The following TRMT11 variants were observed in gnomAD, a reference collection of about 807,000 sequenced individuals.
TRMT11 encodes the protein tRNA methyltransferase 11, also known as tRNA (guanine(10)-N(2))-methyltransferase TRMT11.
A neutral mutation model predicts 62.8 loss-of-function variants in TRMT11; 53 were observed. The ratio of observed to expected loss-of-function variants is 0.84; its 90% CI spans 0.68 to 1.06. TRMT11 has a LOEUF of 1.06. Among genes scored for constraint, TRMT11 ranks in the 50% least tolerant of loss-of-function variants. The pLI is 0.00. For synonymous variants in TRMT11, 188 were observed against 190.3 expected (o/e 0.99, Z 0.10); for missense variants, 556 against 553.4 (o/e 1.00, Z -0.05).
intron 17 of TRMT11, among the ~76,000 whole-genome samples, chr6:126,075,824 A>G (rs1040421549): frequency 1.3e-5 from 2 of 152,168 alleles, no homozygotes; most frequent in Non-Finnish European, 2.9e-5. Context: ...CATCTGGACC[A>G]TAGATTCTCC....
chr6:126,179,077 G>C (rs1298408925), intron 1 of TRMT11, among the ~76,000 whole-genome samples: 1 of 151,968 alleles, frequency 6.6e-6, no homozygotes, highest in African/African-American at 2.4e-5. Context: ...AAAGTTATCA[G>C]CTCCCCCACC....
At chr6:126,063,764 A>C (rs1337998408) in intron 17 of TRMT11, among the ~76,000 whole-genome samples, 1 of 152,150 alleles carries the variant, frequency 6.6e-6, no homozygotes, top group Admixed American at 6.5e-5. Flanking sequence ...TTTGTAAATC[A>C]CTCTGAGCCA....
chr6:126,087,477 T>C (rs2128163405), intron 17 of TRMT11, among the ~76,000 whole-genome samples: 1 of 152,362 alleles, frequency 6.6e-6, no homozygotes, highest in Admixed American at 6.5e-5. Context: ...AGAAGCCCAC[T>C]TGAACAATGA....
At chr6:126,214,901 C>T in the TRMT11 span, among the ~76,000 whole-genome samples, 1 of 151,692 alleles carries the variant, frequency 6.6e-6, no homozygotes, top group African/African-American at 2.4e-5. Context: ...CTGCTTTTGC[C>T]GTATCCTAGG....
chr6:126,118,152 A>G (rs1254248387), intron 21 of TRMT11, among the ~76,000 whole-genome samples: 1 of 152,066 alleles, frequency 6.6e-6, no homozygotes, highest in South Asian at 2.1e-4. Context: ...TAAAAATAGA[A>G]CCCTGAGATG....
In TRMT11 at chr6:126,151,750, TTTCC is replaced by T. The variant is rs369261602; in HGVS notation, c.*1824-23062_*1824-23059del. On this transcript the variant is annotated intron_variant and NMD_transcript_variant, in intron 21 of 22. Transcript: ENST00000648977. ...TCCCTCCCTTCCATCCTTCCTTCCC[TTTCC>T]TTCCTTCCTTCCCTTCCTTTCACCC... Among the ~76,000 whole-genome samples the T allele has an allele frequency of 1.7e-3, 220 of 132,144 alleles. 6 individuals carry two copies. In the East Asian group the frequency reaches 0.038, roughly 23 times the overall value. The allele number at this position is 132,144 out of a possible 152,430, so 86.7% of individuals were successfully genotyped here.
intron 1 of TRMT11, among the ~76,000 whole-genome samples, chr6:126,178,020 C>A (rs148258728): frequency 2.0e-4 from 31 of 152,238 alleles, no homozygotes; most frequent in Middle Eastern, 3.4e-3. Flanking sequence ...TTCTCTTTAA[C>A]CCTTTCCATT....
intron 16 of TRMT11, among the ~76,000 whole-genome samples, chr6:126,048,366 A>G (rs1191063852): frequency 6.6e-6 from 1 of 152,172 alleles, no homozygotes; most frequent in Non-Finnish European, 1.5e-5. Flanking sequence ...GAGCCTTGTT[A>G]TGTTTTTACT....
chr6:126,046,476 C>T (rs375532788), intron 16 of TRMT11, among the ~76,000 whole-genome samples: 2 of 152,324 alleles, frequency 1.3e-5, no homozygotes, highest in African/African-American at 4.8e-5. Flanking sequence ...TGGAGCCTCC[C>T]ACTCCAACCC....
At chr6:126,188,313 G>A (rs1354869088) in intron 1 of TRMT11, among the ~76,000 whole-genome samples, 1 of 151,680 alleles carries the variant, frequency 6.6e-6, no homozygotes, top group Non-Finnish European at 1.5e-5. Context: ...ATAAAAAATG[G>A]GCAAAAGATT....
At chr6:126,205,322 G>A (rs982923075), downstream of TRMT11, among the ~76,000 whole-genome samples, 1 of 152,150 alleles carries the variant, frequency 6.6e-6, no homozygotes, top group Non-Finnish European at 1.5e-5. Flanking sequence ...GACCAACATG[G>A]TGAAACCCCC....
At chr6:126,145,921 T>C (rs373080811) in intron 21 of TRMT11, among the ~76,000 whole-genome samples, 38 of 152,350 alleles carry the variant, frequency 2.5e-4, no homozygotes, top group African/African-American at 8.2e-4. Flanking sequence ...AATCTCCAGG[T>C]GGACCAAAGG....
chr6:125,996,308 C>G (rs886157191), intron 3 of TRMT11, among the ~76,000 whole-genome samples: 3 of 152,192 alleles, frequency 2.0e-5, no homozygotes, highest in Admixed American at 2.0e-4. Flanking sequence ...GATATAAACA[C>G]TATGTTCTTA....
chr6:126,239,724 C>G, the TRMT11 span, among the ~76,000 whole-genome samples: 2 of 152,252 alleles, frequency 1.3e-5, no homozygotes, highest in East Asian at 3.9e-4. Flanking sequence ...TTGTGGCATT[C>G]TCTGTATCTC....
chr6:126,064,679 A>G (rs1776636029), intron 17 of TRMT11, among the ~76,000 whole-genome samples: 1 of 151,642 alleles, frequency 6.6e-6, no homozygotes. Context: ...ATACCAGGTC[A>G]GACACAGGGT....
intron 21 of TRMT11, among the ~76,000 whole-genome samples, chr6:126,122,624 G>A (rs1245630068): frequency 2.0e-5 from 3 of 152,116 alleles, no homozygotes; most frequent in African/African-American, 7.2e-5. Flanking sequence ...AGACTGGCTG[G>A]CCCTGCTGGG....
intron 21 of TRMT11, among the ~76,000 whole-genome samples, chr6:126,135,457 CA>C (rs1777839725): frequency 2.0e-5 from 3 of 151,538 alleles, no homozygotes; most frequent in Admixed American, 2.0e-4. Flanking sequence ...AAAACCTAAA[CA>C]AACCAATCAT....
chr6:126,226,328 T>G, the TRMT11 span, among the ~76,000 whole-genome samples: 1 of 152,066 alleles, frequency 6.6e-6, no homozygotes, highest in Non-Finnish European at 1.5e-5. Flanking sequence ...TTTTTCAAAA[T>G]AAAAAAATTC....
At chr6:126,139,272 A>T (rs889874058) in intron 21 of TRMT11, among the ~76,000 whole-genome samples, 38 of 152,060 alleles carry the variant, frequency 2.5e-4, no homozygotes, top group Admixed American at 2.4e-3. Flanking sequence ...TCCTTTGATC[A>T]TTACCATGAA....
Sources: gnomAD v4.1 joint callset for allele counts (sites outside exome capture counted in the v4.1 genomes callset) on GRCh38, gnomAD v4.1.1 for gene constraint, MANE v1.5 for transcripts, NCBI Gene and HGNC (gene_info 2026-07-23, HGNC 2026-07-21) for gene names.